CERT1: variants seen among roughly 807,000 people sequenced by gnomAD.
CERT1 encodes the protein ceramide transfer protein.
CERT1 carries 31 observed loss-of-function variants against 87.9 expected under a neutral mutation model. The ratio of observed to expected loss-of-function variants is 0.35; its 90% CI spans 0.27 to 0.48. CERT1 has a LOEUF of 0.48. CERT1 is among the 20% of genes least tolerant of loss of function. The pLI, the probability that CERT1 is intolerant of heterozygous loss-of-function variation, is 0.99. For missense variants in CERT1, 487 were observed against 758.0 expected (o/e 0.64, Z 4.20); for synonymous variants, 289 against 250.9 (o/e 1.15, Z -1.44).
intron 2 of CERT1, among the ~76,000 whole-genome samples, chr5:75,491,642 G>T (rs1766803107): frequency 1.3e-5 from 2 of 152,016 alleles, no homozygotes; most frequent in Non-Finnish European, 2.9e-5. Flanking sequence ...GCGGCAATGG[G>T]GTAAAAGCAT....
intron 3 of CERT1, among the ~76,000 whole-genome samples, chr5:75,445,434 T>G (rs1465998756): frequency 6.6e-6 from 1 of 152,236 alleles, no homozygotes; most frequent in African/African-American, 2.4e-5. Flanking sequence ...CTTTTGTTTA[T>G]TTGGGCGTGT....
intron 2 of CERT1, chr5:75,505,525 T>C (rs954120615): frequency 6.6e-6 from 1 of 152,142 alleles, no homozygotes; most frequent in East Asian, 1.9e-4. Context: ...AAATAGCAAA[T>C]CATGTGTGAG....
chr5:75,504,626 A>C (rs1364951396), intron 2 of CERT1, among the ~76,000 whole-genome samples: 8 of 152,204 alleles, frequency 5.3e-5, no homozygotes, highest in Non-Finnish European at 1.0e-4. Flanking sequence ...TCTATCACAA[A>C]ATGTGACTTC....
At chr5:75,451,781 A>T (rs1438994141) in intron 3 of CERT1, among the ~76,000 whole-genome samples, 1 of 152,204 alleles carries the variant, frequency 6.6e-6, no homozygotes, top group African/African-American at 2.4e-5. Flanking sequence ...ATTATGTCAA[A>T]TTTAAGACAA....
chr5:75,415,824 A>G (rs1269401541), intron 7 of CERT1, among the ~76,000 whole-genome samples: 1 of 152,090 alleles, frequency 6.6e-6, no homozygotes, highest in Non-Finnish European at 1.5e-5. Flanking sequence ...CACTGAGTAT[A>G]GAGTTGAAAT....
At position 75,425,508 on chromosome 5, in the gene CERT1, C is replaced by T. The variant is rs367637333; in HGVS notation, c.457-9G>A. The stretch of plus-strand genomic sequence containing the variant: ...CGTAAACTGTGGCCTTTCTGCAAAA[C>T]ATAAAATAGGGGGATGTAATTCAAG... On this transcript the variant is annotated splice_polypyrimidine_tract_variant and intron_variant, in intron 4 of 16. Coordinates refer to ENST00000643780, the MANE Select transcript of CERT1 (RefSeq NM_001379029.1). 3 of 1,611,154 alleles carry T rather than the reference C, an allele frequency of 1.9e-6. No individual in the cohort carries two copies. The highest frequency in any genetic ancestry group is 2.5e-6 in the Non-Finnish European group (3 of 1,179,178).
intron 2 of CERT1, among the ~76,000 whole-genome samples, chr5:75,484,344 C>T (rs1180953104): frequency 1.4e-5 from 2 of 145,758 alleles, no homozygotes; most frequent in Non-Finnish European, 3.0e-5. Flanking sequence ...AAAAGAAGAC[C>T]ACAAAATAAC....
At position 75,441,286 on chromosome 5, in the gene CERT1, C is replaced by G. The variant is rs183198131; in HGVS notation, c.349-14808G>C. ...GTAACCTAGAAGCAATATGCTCTATCATATAGCCTAAGTGTGTAATAGACT... is the reference window on the plus strand; with the variant it reads ...GTAACCTAGAAGCAATATGCTCTATGATATAGCCTAAGTGTGTAATAGACT... On this transcript the variant is annotated intron_variant, in intron 3 of 16. Coordinates refer to ENST00000643780, the MANE Select transcript of CERT1 (RefSeq NM_001379029.1). Among the ~76,000 whole-genome samples, 13 of 152,252 alleles carry G rather than the reference C, an allele frequency of 8.5e-5. 1 individual carries two copies. Among genetic ancestry groups the G allele is most frequent in the Admixed American group, 2.0e-4 (3 of 15,288 alleles).
At chr5:75,489,157 T>C (rs1766659697) in intron 2 of CERT1, among the ~76,000 whole-genome samples, 1 of 152,226 alleles carries the variant, frequency 6.6e-6, no homozygotes, top group Non-Finnish European at 1.5e-5. Flanking sequence ...AAGGATTCCA[T>C]ATTTAATAAA....
chr5:75,511,338 A>C lies in CERT1; in HGVS notation c.-131T>G. On this transcript the variant is annotated 5_prime_UTR_variant, in exon 1 of 17. Coordinates refer to ENST00000643780, the MANE Select transcript of CERT1 (RefSeq NM_001379029.1). Reference sequence around the variant, plus strand: ...TGCCCGCTCCGGTGTGGGGGGGAGCAGGAGGAGGGACGAAGTCCGCCCGCC... The same window carrying C: ...TGCCCGCTCCGGTGTGGGGGGGAGCCGGAGGAGGGACGAAGTCCGCCCGCC... 2 of 1,544,656 alleles carry C rather than the reference A, an allele frequency of 1.3e-6. No homozygotes were observed. Among genetic ancestry groups the C allele is most frequent in the Non-Finnish European group, 1.7e-6 (2 of 1,146,082 alleles).
At chr5:75,496,697 G>T (rs891613985) in intron 2 of CERT1, among the ~76,000 whole-genome samples, 1 of 152,136 alleles carries the variant, frequency 6.6e-6, no homozygotes, top group East Asian at 1.9e-4. Context: ...AAGCATTATG[G>T]TAAGTTAAAA....
intron 2 of CERT1, among the ~76,000 whole-genome samples, chr5:75,492,725 A>G (rs1218928886): frequency 2.0e-5 from 3 of 152,200 alleles, no homozygotes; most frequent in African/African-American, 7.2e-5. Context: ...TTTTTTATGT[A>G]TAACAACTCA....
chr5:75,475,562 G>A (rs10061689), intron 2 of CERT1, among the ~76,000 whole-genome samples: 19,197 of 151,962 alleles, frequency 0.13, 1,338 homozygotes, highest in South Asian at 0.23. Context: ...AGGCATTTTC[G>A]CAAAACACGG....
chr5:75,435,216 T>A (rs141651067), intron 3 of CERT1, among the ~76,000 whole-genome samples: 10 of 152,362 alleles, frequency 6.6e-5, no homozygotes, highest in African/African-American at 2.4e-4. Flanking sequence ...TTCAGCTTGG[T>A]CTTTTCTGCT....
At chr5:75,510,499 T>C (rs1241001255) in intron 1 of CERT1, among the ~76,000 whole-genome samples, 1 of 152,232 alleles carries the variant, frequency 6.6e-6, no homozygotes, top group Non-Finnish European at 1.5e-5. Flanking sequence ...CATTCTCACA[T>C]GTTCCAAGTT....
At chr5:75,502,557 C>G (rs1374030319) in intron 2 of CERT1, among the ~76,000 whole-genome samples, 1 of 151,892 alleles carries the variant, frequency 6.6e-6, no homozygotes, top group Non-Finnish European at 1.5e-5. Context: ...AAACAAGGTG[C>G]AGAACAATAG....
chr5:75,437,389 G>A (rs919588056), intron 3 of CERT1, among the ~76,000 whole-genome samples: 2 of 152,122 alleles, frequency 1.3e-5, no homozygotes, highest in Non-Finnish European at 2.9e-5. Flanking sequence ...TGGAGGCTAC[G>A]AGTTTAGTAC....
At chr5:75,500,067 T>C (rs146040071) in intron 2 of CERT1, among the ~76,000 whole-genome samples, 1 of 152,254 alleles carries the variant, frequency 6.6e-6, no homozygotes, top group East Asian at 1.9e-4. Flanking sequence ...ATAAAAAGAA[T>C]GCCATGTGTA....
intron 1 of CERT1, among the ~76,000 whole-genome samples, chr5:75,509,299 A>T (rs554678510): frequency 1.1e-4 from 16 of 152,304 alleles, no homozygotes; most frequent in Admixed American, 9.2e-4. Flanking sequence ...TATAATTTAC[A>T]TTTAAAAACA....
Sources: gnomAD v4.1 joint callset for allele counts (sites outside exome capture counted in the v4.1 genomes callset) on GRCh38, gnomAD v4.1.1 for gene constraint, MANE v1.5 for transcripts, NCBI Gene and HGNC (gene_info 2026-07-23, HGNC 2026-07-21) for gene names.